MINDY4: variants seen among roughly 807,000 people sequenced by gnomAD.
MINDY4 encodes probable ubiquitin carboxyl-terminal hydrolase MINDY-4.
In MINDY4, 68 loss-of-function variants were observed where a neutral mutation model predicts 87.0. That is an observed-to-expected ratio of 0.78 (90% CI 0.64 to 0.96). MINDY4 has a LOEUF of 0.96. MINDY4 is among the 40% of genes least tolerant of loss of function. The pLI, the probability that MINDY4 is intolerant of heterozygous loss-of-function variation, is 0.00. For synonymous variants in MINDY4, 379 were observed against 363.2 expected (o/e 1.04, Z -0.50); for missense variants, 919 against 928.2 (o/e 0.99, Z 0.13).
At chr7:30,806,602 G>T (rs1302924971) in intron 5 of MINDY4, among the ~76,000 whole-genome samples, 2 of 152,254 alleles carry the variant, frequency 1.3e-5, no homozygotes, top group Non-Finnish European at 2.9e-5. Flanking sequence ...AAATGTTCAG[G>T]TTAGTTGTGA....
At chr7:30,872,202 T>A (rs1402119020) in intron 13 of MINDY4, 41 bp from the exon 14 acceptor site, 1 of 1,608,728 alleles carries the variant, frequency 6.2e-7, no homozygotes. Flanking sequence ...GCAACCTGGG[T>A]CAGGCAGAGC....
intron 14 of MINDY4, 64 bp from the exon 15 acceptor site, chr7:30,875,431 C>T (rs766386595): frequency 1.5e-4 from 240 of 1,571,902 alleles, no homozygotes; most frequent in Non-Finnish European, 2.0e-4. Flanking sequence ...TCCCCAGTCT[C>T]CTCTCCACTC....
chr7:30,776,935 C>G (rs3888593), intron 1 of MINDY4, among the ~76,000 whole-genome samples: 3,981 of 152,234 alleles, frequency 0.026, 186 homozygotes, highest in African/African-American at 0.09. Flanking sequence ...TGGCTGACTC[C>G]CAAGGGCACC....
chr7:30,777,768 G>A (rs956052933), intron 1 of MINDY4, among the ~76,000 whole-genome samples: 3 of 152,192 alleles, frequency 2.0e-5, no homozygotes, highest in Non-Finnish European at 4.4e-5. Flanking sequence ...AGTGAGGTGG[G>A]CAGAGAGCAA....
At chr7:30,853,150 C>A (rs938475179) in intron 11 of MINDY4, among the ~76,000 whole-genome samples, 1 of 152,358 alleles carries the variant, frequency 6.6e-6, no homozygotes, top group Non-Finnish European at 1.5e-5. Flanking sequence ...ATTCTGGGGT[C>A]TCAGGCCCAG....
In MINDY4 at chr7:30,862,230, G is replaced by C. The variant is rs116407831; in HGVS notation, c.1745+2906G>C. On this transcript the variant is annotated intron_variant, in intron 13 of 17. Coordinates refer to ENST00000265299, the MANE Select transcript of MINDY4 (RefSeq NM_032222.3). The stretch of plus-strand genomic sequence containing the variant: ...CCCTCCTACCCCACCTGGAGCCCAG[G>C]GGAGACTCCTGAAGAGGAAAGACGG... Among the ~76,000 whole-genome samples, 683 of 152,342 alleles carry C rather than the reference G, an allele frequency of 4.5e-3. 3 individuals are homozygous for C. Among genetic ancestry groups the C allele is most frequent in the African/African-American group, 0.016 (649 of 41,570 alleles).
intron 15 of MINDY4, among the ~76,000 whole-genome samples, chr7:30,881,203 G>A (rs1430836741): frequency 1.3e-5 from 2 of 152,160 alleles, no homozygotes; most frequent in African/African-American, 4.8e-5. Context: ...AGTGTCAGGG[G>A]CTGGGGGAAA....
chr7:30,877,879 C>T (rs1297286584), intron 15 of MINDY4, among the ~76,000 whole-genome samples: 2 of 124,184 alleles, frequency 1.6e-5, no homozygotes, highest in African/African-American at 2.9e-5. Flanking sequence ...GGGGTTTCAC[C>T]ATATTGGCCA....
intron 17 of MINDY4, among the ~76,000 whole-genome samples, chr7:30,890,655 AG>A (rs1790769822): frequency 6.6e-6 from 1 of 152,256 alleles, no homozygotes; most frequent in Non-Finnish European, 1.5e-5. Context: ...TGCCTTTGGA[AG>A]GGACACTTTC....
rs1424611861 is a variant in MINDY4, at chr7:30,808,931, A to AGG, written c.1073+17358_1073+17359dup. ...AGACAGAGAGACAAAGAGGGAGTCA[A>AGG]GGAGAGAGAGAGAGAGAGAGAGAGA... On this transcript the variant is annotated intron_variant, in intron 5 of 17. Transcript: ENST00000265299. Among the ~76,000 whole-genome samples the AGG allele has an allele frequency of 3.9e-5, 5 of 128,706 alleles. No individual in the cohort carries two copies. In the South Asian group the frequency reaches 7.8e-4, roughly 20 times the overall value. 84.4% of individuals were successfully genotyped at this position (128,706 alleles called of 152,430 possible).
intron 13 of MINDY4, 43 bp from the exon 14 acceptor site, chr7:30,872,200 G>A: frequency 6.2e-7 from 1 of 1,606,786 alleles, no homozygotes; most frequent in Non-Finnish European, 8.5e-7. Context: ...TTGCAACCTG[G>A]GTCAGGCAGA....
chr7:30,834,359 G>C (rs1788797603), intron 6 of MINDY4, among the ~76,000 whole-genome samples: 1 of 152,240 alleles, frequency 6.6e-6, no homozygotes, highest in African/African-American at 2.4e-5. Context: ...TGAAGCCACA[G>C]CCTGAGCTGT....
At chr7:30,806,485 T>TA (rs35183235) in intron 5 of MINDY4, among the ~76,000 whole-genome samples, 59 of 149,966 alleles carry the variant, frequency 3.9e-4, no homozygotes, top group East Asian at 1.6e-3. Flanking sequence ...AACACCCATT[T>TA]AAAAAAAAAA....
At chr7:30,843,703 TGTC>T (rs1789113169) in intron 9 of MINDY4, among the ~76,000 whole-genome samples, 1 of 148,916 alleles carries the variant, frequency 6.7e-6, no homozygotes, top group South Asian at 2.2e-4. Flanking sequence ...CCCAAGGGGG[TGTC>T]TGGGTAGAAA....
intron 11 of MINDY4, 75 bp from the exon 12 acceptor site, chr7:30,853,319 G>A (rs1789473403): frequency 7.9e-7 from 1 of 1,261,866 alleles, no homozygotes; most frequent in Admixed American, 1.9e-5. Context: ...CTAAAGCCAG[G>A]GAGCAGAAGC....
chr7:30,841,199 C>T (rs930643439), intron 9 of MINDY4, among the ~76,000 whole-genome samples: 1 of 152,244 alleles, frequency 6.6e-6, no homozygotes, highest in Non-Finnish European at 1.5e-5. Context: ...GGCCTCCCTT[C>T]CCTCCCCACG....
intron 9 of MINDY4, among the ~76,000 whole-genome samples, chr7:30,845,470 C>T (rs1358418667): frequency 6.6e-6 from 1 of 150,884 alleles, no homozygotes; most frequent in Non-Finnish European, 1.5e-5. Flanking sequence ...GAGGCCTCAG[C>T]ACTCCCTTTT....
At chr7:30,820,609 C>G (rs1001139814) in intron 5 of MINDY4, among the ~76,000 whole-genome samples, 1 of 152,228 alleles carries the variant, frequency 6.6e-6, no homozygotes, top group African/African-American at 2.4e-5. Flanking sequence ...CTTACGGTGT[C>G]AGGCTTCTTT....
rs538269149 is a variant in MINDY4 at position 30,829,366 on chromosome 7, G to A, written c.1132+629G>A. Among the ~76,000 whole-genome samples the A allele has an allele frequency of 3.3e-5, 5 of 152,322 alleles. No homozygotes were observed. The East Asian group carries it at 9.6e-4, about 29-fold the overall frequency. Reference sequence around the variant, plus strand: ...TTTTGCAGAAGCAGCTAGAGACTGCGGATGTTGAGACCAAGGACTGGCCGT... The same window carrying A: ...TTTTGCAGAAGCAGCTAGAGACTGCAGATGTTGAGACCAAGGACTGGCCGT... On this transcript the variant is annotated intron_variant, in intron 6 of 17. Coordinates refer to ENST00000265299, the MANE Select transcript of MINDY4 (RefSeq NM_032222.3).
Sources: allele counts gnomAD v4.1 joint callset (sites outside exome capture counted in the v4.1 genomes callset), GRCh38; gene constraint gnomAD v4.1.1; transcripts MANE v1.5; gene names NCBI Gene and HGNC (gene_info 2026-07-23, HGNC 2026-07-21).